The following WDPCP variants were observed in gnomAD, a reference collection of about 807,000 sequenced individuals.
The protein encoded by WDPCP is WD repeat-containing and planar cell polarity effector protein fritz homolog.
A neutral mutation model predicts 93.1 loss-of-function variants in WDPCP; 71 were observed. The observed-to-expected ratio is 0.76, with a 90% confidence interval of 0.63 to 0.93. WDPCP has a LOEUF of 0.93. Ranked by LOEUF, WDPCP falls within the 40% of genes least tolerant of loss-of-function variation. The pLI is 0.00. For synonymous variants in WDPCP, 315 were observed against 315.0 expected (o/e 1.00, Z 0.00); for missense variants, 844 against 887.4 (o/e 0.95, Z 0.62).
intron 13 of WDPCP, among the ~76,000 whole-genome samples, chr2:63,267,165 T>TAC (rs1193721755): frequency 6.6e-6 from 1 of 152,176 alleles, no homozygotes; most frequent in Non-Finnish European, 1.5e-5. Context: ...AAAGCCCAGA[T>TAC]ACAAATCCAA....
At chr2:63,581,066 G>A (rs1260468710) in intron 1 of WDPCP, among the ~76,000 whole-genome samples, 1 of 151,898 alleles carries the variant, frequency 6.6e-6, no homozygotes, top group African/African-American at 2.4e-5. Context: ...CAAAATAAAA[G>A]ACTAAAAAAA....
intron 14 of WDPCP, among the ~76,000 whole-genome samples, chr2:63,237,105 G>A (rs541580653): frequency 4.2e-4 from 64 of 151,358 alleles, no homozygotes; most frequent in Non-Finnish European, 5.8e-4. Flanking sequence ...ACTAATATCC[G>A]GAATCTATAA....
At position 63,538,866 on chromosome 2, in the gene WDPCP, T is replaced by C. The variant is rs182113386; in HGVS notation, c.76-45926A>G. On this transcript the variant is annotated intron_variant, in intron 1 of 17. Transcript: ENST00000272321. ...GCTCTGAGAGTCAGTATCCTATCAA[T>C]AGAAATCAGTCACTTTTATTCTCTT... is the stretch of plus-strand genomic sequence containing the variant. Among the ~76,000 whole-genome samples the C allele has an allele frequency of 4.8e-3, 733 of 152,278 alleles. 6 individuals carry two copies. The highest frequency in any genetic ancestry group is 0.031 in the Middle Eastern group (9 of 294).
At chr2:63,510,356 A>C (rs552601910) in intron 1 of WDPCP, among the ~76,000 whole-genome samples, 62 of 152,322 alleles carry the variant, frequency 4.1e-4, no homozygotes, top group African/African-American at 1.5e-3. Flanking sequence ...ATAGATGCAG[A>C]AAAGGCCTTT....
intron 15 of WDPCP, among the ~76,000 whole-genome samples, chr2:63,158,863 A>C (rs1186034136): frequency 6.7e-6 from 1 of 149,428 alleles, no homozygotes; most frequent in Middle Eastern, 3.5e-3. Context: ...GGGGCCAGGC[A>C]TGGTGGCTCA....
intron 8 of WDPCP, among the ~76,000 whole-genome samples, chr2:63,435,369 T>A (rs1027976824): frequency 2.0e-5 from 3 of 152,152 alleles, no homozygotes; most frequent in African/African-American, 7.2e-5. Context: ...AAATGGGCAA[T>A]GACAGACAAC....
chr2:63,784,946 T>C (rs1670445197), intron 2 of WDPCP, among the ~76,000 whole-genome samples: 1 of 152,192 alleles, frequency 6.6e-6, no homozygotes, highest in Non-Finnish European at 1.5e-5. Context: ...AAAATAATCA[T>C]GCTACCTCAT....
chr2:63,323,057 A>G (rs10182596), intron 12 of WDPCP, among the ~76,000 whole-genome samples: 121,840 of 152,234 alleles, frequency 0.8, 49,624 homozygotes, highest in East Asian at 0.96. Context: ...GTACTTCTGG[A>G]CTGAGCCCAG....
At chr2:63,289,224 G>T (rs945224931) in intron 13 of WDPCP, among the ~76,000 whole-genome samples, 1 of 151,852 alleles carries the variant, frequency 6.6e-6, no homozygotes, top group Non-Finnish European at 1.5e-5. Context: ...TCTTGTCTTA[G>T]AAAATTATCA....
intron 17 of WDPCP, among the ~76,000 whole-genome samples, chr2:63,135,841 C>G (rs181454379): frequency 1.7e-4 from 26 of 152,250 alleles, no homozygotes; most frequent in Middle Eastern, 6.8e-3. Context: ...AGGCAATGCT[C>G]CTGCCTCAGC....
chr2:63,593,560 G>A, upstream of WDPCP: 2 of 471,304 alleles, frequency 4.2e-6, no homozygotes, highest in Non-Finnish European at 8.8e-6. Context: ...CTGGAAGAAG[G>A]AACTTTAAGT....
At chr2:63,227,600 G>GC (rs1455699474) in intron 14 of WDPCP, among the ~76,000 whole-genome samples, 2 of 151,972 alleles carry the variant, frequency 1.3e-5, no homozygotes, top group African/African-American at 4.8e-5. Context: ...CTAGTAAAGT[G>GC]ATTTAGAGTA....
chr2:63,355,336 T>A (rs983973050), intron 12 of WDPCP, among the ~76,000 whole-genome samples: 26 of 152,312 alleles, frequency 1.7e-4, no homozygotes, highest in African/African-American at 5.1e-4. Context: ...TTGAAATTCT[T>A]GTTTGCGCCA....
chr2:63,317,904 A>G (rs1164503125), intron 12 of WDPCP, among the ~76,000 whole-genome samples: 1 of 152,194 alleles, frequency 6.6e-6, no homozygotes, highest in Non-Finnish European at 1.5e-5. Flanking sequence ...CAAAAACAAA[A>G]AATTCATGAA....
intron 14 of WDPCP, among the ~76,000 whole-genome samples, chr2:63,196,947 T>C (rs1675482190): frequency 1.3e-5 from 2 of 152,144 alleles, no homozygotes; most frequent in African/African-American, 2.4e-5. Context: ...GACCCTTCTA[T>C]GAAACAAGCA....
chr2:63,520,895 TCAA>T (rs1702873176), intron 1 of WDPCP, among the ~76,000 whole-genome samples: 1 of 42,836 alleles, frequency 2.3e-5, no homozygotes, highest in Non-Finnish European at 3.6e-5. Flanking sequence ...AGACCCTATC[TCAA>T]AAAAAAAAAA....
chr2:63,758,939 G>A (rs1670010871), intron 2 of WDPCP, among the ~76,000 whole-genome samples: 3 of 151,796 alleles, frequency 2.0e-5, no homozygotes, highest in Admixed American at 1.3e-4. Flanking sequence ...CACCATGCTG[G>A]GCTAATTTTC....
At chr2:63,305,836 T>A (rs1380411398) in intron 13 of WDPCP, among the ~76,000 whole-genome samples, 2 of 151,720 alleles carry the variant, frequency 1.3e-5, no homozygotes, top group African/African-American at 4.8e-5. Context: ...CTAACTAGAA[T>A]AACCAGTTTA....
intron 2 of WDPCP, among the ~76,000 whole-genome samples, chr2:63,773,026 A>G (rs1027893644): frequency 6.6e-6 from 1 of 152,086 alleles, no homozygotes; most frequent in Admixed American, 6.6e-5. Context: ...ATATGATCAT[A>G]TATGTACAAA....
Sources: allele counts gnomAD v4.1 joint callset (sites outside exome capture counted in the v4.1 genomes callset), GRCh38; gene constraint gnomAD v4.1.1; transcripts MANE v1.5; gene names NCBI Gene and HGNC (gene_info 2026-07-23, HGNC 2026-07-21).